The following LAMA1 variants were observed in gnomAD, a reference collection of about 807,000 sequenced individuals.
The protein encoded by LAMA1 is laminin subunit alpha-1.
A neutral mutation model predicts 348.7 loss-of-function variants in LAMA1; 219 were observed. The observed-to-expected ratio is 0.63, with a 90% CI of 0.56 to 0.70. LAMA1 has a LOEUF of 0.70. LAMA1 is among the 30% of genes least tolerant of loss of function. The pLI is 0.00. For synonymous variants in LAMA1, 1,487 were observed against 1,491.0 expected (o/e 1.00, Z 0.06); for missense variants, 3,744 against 3,888.0 (o/e 0.96, Z 0.99).
rs574109354 is a variant in LAMA1, at chr18:7,020,243, C to A, written c.2702-2859G>T. On this transcript the variant is annotated intron_variant, in intron 19 of 62. Transcript: ENST00000389658. ...CTGGACGGCCTGTCCACACCTCCGG[C>A]TGCAGCCGCTGCCCCACAGCAGAGG... is the stretch of plus-strand genomic sequence containing the variant. 5.3e-5 allele frequency among the ~76,000 whole-genome samples: 8 copies of A among 152,316 alleles called. No homozygotes were observed. In the South Asian group the frequency reaches 1.7e-3, roughly 32 times the overall value.
At chr18:6,948,658 T>G in intron 59 of LAMA1, 102 bp from the exon 60 acceptor site, 2 of 1,305,334 alleles carry the variant, frequency 1.5e-6, no homozygotes, top group South Asian at 2.6e-5. Flanking sequence ...GCAAAACACA[T>G]TAAAATGTAA....
intron 1 of LAMA1, among the ~76,000 whole-genome samples, chr18:7,108,816 A>G (rs1475302104): frequency 6.6e-6 from 1 of 152,110 alleles, no homozygotes; most frequent in Non-Finnish European, 1.5e-5. Context: ...AGTTGGAAAA[A>G]CTTAGTTTGT....
chr18:6,955,334 A>G lies in LAMA1; in HGVS notation c.8207+19T>C, dbSNP rs201441960. 1,143 of 1,583,264 alleles carry G rather than the reference A, an allele frequency of 7.2e-4. 4 individuals carry two copies. Among genetic ancestry groups the G allele is most frequent in the Non-Finnish European group, 9.6e-4 (1,104 of 1,153,558 alleles). On this transcript the variant is annotated intron_variant, in intron 57 of 62. Transcript: ENST00000389658. ...TCTAGCAATGAGACGCCGCATAAGG[A>G]TGTTAGAATGATACCTACTTCTTTC... is the stretch of plus-strand genomic sequence containing the variant.
At chr18:7,036,196 C>A (rs1038062155) in intron 12 of LAMA1, 108 bp from the exon 13 acceptor site, 2 of 764,478 alleles carry the variant, frequency 2.6e-6, no homozygotes, top group African/African-American at 1.7e-5. Context: ...TAGGCTACAA[C>A]TATCCCCTTG....
chr18:6,961,943 A>T lies in LAMA1; in HGVS notation c.7452+2T>A, dbSNP rs77992879. On this transcript the variant is annotated splice_donor_variant, in intron 52 of 62. Coordinates refer to ENST00000389658, the MANE Select transcript of LAMA1 (RefSeq NM_005559.4). LOFTEE classifies it high-confidence loss of function. ...TTGAACATTAATAACAATGTTTCCT[A>T]CCTCCAGTAAACAGCCTTTTCTCAC... 1.2e-5 allele frequency: 20 copies of T among 1,607,438 alleles called. No homozygotes were observed. Among genetic ancestry groups the T allele is most frequent in the Non-Finnish European group, 1.5e-5 (18 of 1,174,030 alleles).
intron 3 of LAMA1, among the ~76,000 whole-genome samples, chr18:7,067,060 A>G (rs1358027105): frequency 6.6e-6 from 1 of 152,208 alleles, no homozygotes; most frequent in Non-Finnish European, 1.5e-5. Flanking sequence ...AAAAATTATT[A>G]CAGGCATTTT....
rs764549552 is a variant in LAMA1, at chr18:6,961,959, C to T, written c.7438G>A (p.Gly2480Ser). 1.9e-6 allele frequency: 3 copies of T among 1,613,874 alleles called. No individual in the cohort carries two copies. The highest frequency in any genetic ancestry group is 2.5e-6 in the Non-Finnish European group (3 of 1,179,760). The change falls in exon 52 of 63, where the codon GGC becomes AGC. Residue 2480 changes from glycine to serine, a missense_variant. Around this residue, in one of 3 missense-constraint regions of LAMA1, gnomAD observed 1,983 missense variants for 1,934.3 expected, o/e 1.03. Transcript: ENST00000389658. ...LLRNSYGVRK[G>S]CLLEPIRSVS... is the part of the protein sequence containing the mutation. ...ATGTTTCCTACCTCCAGTAAACAGC[C>T]TTTTCTCACTCCATAGGAATTTCTG...
chr18:7,080,294 G>T lies in LAMA1; in HGVS notation c.225C>A (p.Asn75Lys). ...TAAAGGCGCGACACTTGCCTCTGGGGTTTGCGCTGTTGCCATCACAGATCC... is the reference window on the plus strand; with the variant it reads ...TAAAGGCGCGACACTTGCCTCTGGGTTTTGCGCTGTTGCCATCACAGATCC... ...QCRICDGNSA[N>K]PRERHPISHA... Residue 75 changes from asparagine (N) to lysine (K), a missense_variant, in exon 2 of 63, where the codon AAC becomes AAA. Coordinates refer to ENST00000389658, the MANE Select transcript of LAMA1 (RefSeq NM_005559.4). The T allele has an allele frequency of 6.2e-7, 1 of 1,614,208 alleles. No individual in the cohort carries two copies. The highest frequency in any genetic ancestry group is 8.5e-7 in the Non-Finnish European group (1 of 1,180,038).
chr18:7,022,864 T>C (rs2057924285), intron 19 of LAMA1, among the ~76,000 whole-genome samples: 1 of 152,138 alleles, frequency 6.6e-6, no homozygotes, highest in South Asian at 2.1e-4. Context: ...CCCACTTTCA[T>C]TTCAGTCACG....
At chr18:7,075,219 T>C (rs1448311310) in intron 3 of LAMA1, among the ~76,000 whole-genome samples, 3 of 152,336 alleles carry the variant, frequency 2.0e-5, no homozygotes, top group Middle Eastern at 6.8e-3. Flanking sequence ...CTTTAGATTT[T>C]ACATTTTTAT....
chr18:6,969,279 T>A (rs2057647680), intron 48 of LAMA1, among the ~76,000 whole-genome samples: 1 of 152,104 alleles, frequency 6.6e-6, no homozygotes, highest in African/African-American at 2.4e-5. Flanking sequence ...TCTTTTTCAA[T>A]CCACCTGCCT....
At chr18:6,987,753 C>T (rs2057741534) in intron 36 of LAMA1, among the ~76,000 whole-genome samples, 1 of 152,138 alleles carries the variant, frequency 6.6e-6, no homozygotes, top group Non-Finnish European at 1.5e-5. Flanking sequence ...TAAATTTGAA[C>T]TCTGACATTA....
At chr18:6,944,218 G>A (rs144075213) in intron 61 of LAMA1, among the ~76,000 whole-genome samples, 2,511 of 152,256 alleles carry the variant, frequency 0.016, 72 homozygotes, top group African/African-American at 0.056. Flanking sequence ...GTTTCACCAT[G>A]TTGGCCAGGC....
chr18:7,059,001 T>G (rs1395256940), intron 3 of LAMA1, among the ~76,000 whole-genome samples: 2 of 152,200 alleles, frequency 1.3e-5, no homozygotes, highest in African/African-American at 4.8e-5. Context: ...GCGATTCTCC[T>G]GCCTCAGCCT....
chr18:7,037,288 G>A (rs2057999440), intron 12 of LAMA1, among the ~76,000 whole-genome samples: 1 of 152,134 alleles, frequency 6.6e-6, no homozygotes, highest in Non-Finnish European at 1.5e-5. Flanking sequence ...ATAAACAAGT[G>A]ATCCAGGGAC....
rs1295639412 is a variant in LAMA1 at position 7,010,230 on chromosome 18, C to T, written c.3843G>A (p.Val1281=). The part of the protein sequence containing the change: ...YMDAPAPENG[V]RQEQEVAMRE... Reference sequence around the variant, plus strand: ...TCATTGCTACTTCTTGTTCCTGTCTCACTCCATTCTCTGGGGCTGGTGCAT... The same window carrying T: ...TCATTGCTACTTCTTGTTCCTGTCTTACTCCATTCTCTGGGGCTGGTGCAT... Residue 1281 remains valine (V), a synonymous_variant, in exon 26 of 63, where the codon GTG becomes GTA. Coordinates refer to ENST00000389658, the MANE Select transcript of LAMA1 (RefSeq NM_005559.4). The T allele has an allele frequency of 5.0e-6, 8 of 1,614,048 alleles. No homozygotes were observed. The highest frequency in any genetic ancestry group is 4.0e-5 in the African/African-American group (3 of 74,918).
intron 1 of LAMA1, among the ~76,000 whole-genome samples, chr18:7,117,216 C>T (rs991023954): frequency 6.6e-6 from 1 of 152,130 alleles, no homozygotes; most frequent in African/African-American, 2.4e-5. Context: ...GAGGGCGACT[C>T]GGGAGAGCTC....
At chr18:6,988,706 C>T (rs989113799) in intron 36 of LAMA1, among the ~76,000 whole-genome samples, 1 of 149,480 alleles carries the variant, frequency 6.7e-6, no homozygotes, top group Non-Finnish European at 1.5e-5. Context: ...ACTCAGGAGG[C>T]TGAGGAGGGA....
chr18:7,029,187 G>C (rs956009319), intron 16 of LAMA1, among the ~76,000 whole-genome samples: 1 of 152,126 alleles, frequency 6.6e-6, no homozygotes, highest in Non-Finnish European at 1.5e-5. Flanking sequence ...AAGTGCACCT[G>C]GGTTACCTGT....
Sources: gnomAD v4.1 joint callset for allele counts (sites outside exome capture counted in the v4.1 genomes callset) on GRCh38, gnomAD v4.1.1 for gene constraint, gnomAD v4.1.1 regional missense constraint, MANE v1.5 for transcripts, NCBI Gene and HGNC (gene_info 2026-07-23, HGNC 2026-07-21) for gene names.